ATP4A: variants seen among roughly 807,000 people sequenced by gnomAD.
The protein encoded by ATP4A is potassium-transporting ATPase alpha chain 1.
ATP4A carries 73 observed loss-of-function variants against 112.1 expected under a neutral mutation model. That is an observed-to-expected ratio of 0.65 (90% CI 0.54 to 0.79). The LOEUF (loss-of-function observed/expected upper bound fraction) is 0.79, where lower values mean the gene tolerates loss of function less well. Ranked by LOEUF, ATP4A falls within the 30% of genes least tolerant of loss-of-function variation. The pLI is 0.00. For synonymous variants in ATP4A, 588 were observed against 588.9 expected (o/e 1.00, Z 0.02); for missense variants, 1,081 against 1,425.9 (o/e 0.76, Z 3.90).
At position 35,555,141 on chromosome 19, in the gene ATP4A, G is replaced by A. The variant is rs770891533; in HGVS notation, c.2326+25C>T. ...TCTCCCTCCTGTGCCCACACTGCCTGCCCTCCCCCTGGCGTGGCTCGGACC... is the reference window on the plus strand; with the variant it reads ...TCTCCCTCCTGTGCCCACACTGCCTACCCTCCCCCTGGCGTGGCTCGGACC... On this transcript the variant is annotated intron_variant, in intron 15 of 21. Coordinates refer to ENST00000262623, the MANE Select transcript of ATP4A (RefSeq NM_000704.3). This position sits in a 1 kb window ranked among gnomAD's most constrained non-coding sequence, Gnocchi z 6.6. 6.2e-7 allele frequency: 1 copy of A among 1,614,052 alleles called. No homozygotes were observed. The highest frequency in any genetic ancestry group is 1.1e-5 in the South Asian group (1 of 91,070).
At position 35,559,157 on chromosome 19, in the gene ATP4A, C is replaced by A; in HGVS notation, c.1091G>T (p.Ser364Ile). The A allele has an allele frequency of 6.2e-7, 1 of 1,614,176 alleles. No homozygotes were observed. The highest frequency in any genetic ancestry group is 8.5e-7 in the Non-Finnish European group (1 of 1,180,030). ...CLSLTAKRLASKNCVVKNLEA... is the reference protein window; with the variant it reads ...CLSLTAKRLAIKNCVVKNLEA... Reference sequence around the variant, plus strand: ...CAGGTTCTTGACCACGCAGTTCTTACTGGCCAGGCGCTTGGCTGTCAGGGA... The same window carrying A: ...CAGGTTCTTGACCACGCAGTTCTTAATGGCCAGGCGCTTGGCTGTCAGGGA... The change falls in exon 8 of 22, where the codon AGT becomes ATT. Residue 364 changes from serine to isoleucine, a missense_variant. Transcript: ENST00000262623. This position sits in a 1 kb window ranked among gnomAD's most constrained non-coding sequence, Gnocchi z 4.1.
In ATP4A at chr19:35,558,163, G is replaced by C. The variant is rs536161873; in HGVS notation, c.1500+199C>G. 493 of 732,800 alleles carry C rather than the reference G, an allele frequency of 6.7e-4. 5 individuals carry two copies. Among genetic ancestry groups the C allele is most frequent in the South Asian group, 6.0e-3 (319 of 53,028 alleles). The allele number at this position is 732,800 out of a possible 1,614,324, so 45.4% of individuals were successfully genotyped here. A position where few individuals can be genotyped will look rare whatever the true frequency, so the allele number is the denominator to read the frequency against. ...CCATGGACAGTCCCGCCGAGGAGAA[G>C]CTGTGGGCGGGGCTGGGTGGTGGGC... On this transcript the variant is annotated intron_variant, in intron 10 of 21. Transcript: ENST00000262623. This position sits in a 1 kb window ranked among gnomAD's most constrained non-coding sequence, Gnocchi z 5.1.
In ATP4A at chr19:35,557,032, C is replaced by T. The variant is rs1392141891; in HGVS notation, c.1750G>A (p.Val584Ile). 8 of 1,614,184 alleles carry T rather than the reference C, an allele frequency of 5.0e-6. No individual in the cohort carries two copies. Among genetic ancestry groups the T allele is most frequent in the Non-Finnish European group, 4.2e-6 (5 of 1,180,040 alleles). ...CTAGATGGAAAGTTCATGGCCTCTA[C>T]GTCGAAGGCATAGCCAGGCGGGTAG... ...KDYPPGYAFD[V>I]EAMNFPSSGL... The change falls in exon 12 of 22, where the codon GTA becomes ATA. Residue 584 changes from valine (V) to isoleucine (I), a missense_variant. Around this residue, in one of 3 missense-constraint regions of ATP4A, gnomAD observed 850 missense variants for 1,068.2 expected, o/e 0.80. Coordinates refer to ENST00000262623, the MANE Select transcript of ATP4A (RefSeq NM_000704.3). This position sits in a 1 kb window ranked among gnomAD's most constrained non-coding sequence, Gnocchi z 4.4.
chr19:35,560,709 A>G lies in ATP4A; in HGVS notation c.535-94T>C, dbSNP rs2071665550. On this transcript the variant is annotated intron_variant, in intron 5 of 21. Coordinates refer to ENST00000262623, the MANE Select transcript of ATP4A (RefSeq NM_000704.3). This position sits in a 1 kb window ranked among gnomAD's most constrained non-coding sequence, Gnocchi z 5.1. ...TAAAGGATGAGGAGAGCTGGGACCCATGGGGAGAGATGGAGGCCACAGATG... is the reference window on the plus strand; with the variant it reads ...TAAAGGATGAGGAGAGCTGGGACCCGTGGGGAGAGATGGAGGCCACAGATG... 3 of 1,583,266 alleles carry G rather than the reference A, an allele frequency of 1.9e-6. No individual in the cohort carries two copies. The highest frequency in any genetic ancestry group is 2.6e-6 in the Non-Finnish European group (3 of 1,155,972).
Position 35,555,963 on chromosome 19 carries a change from C to T in ATP4A, c.1870-151G>A. The T allele has an allele frequency of 1.8e-6, 2 of 1,083,234 alleles. No individual in the cohort carries two copies. The highest frequency in any genetic ancestry group is 2.5e-6 in the Non-Finnish European group (2 of 798,410). 67.1% of individuals were successfully genotyped at this position (1,083,234 alleles called of 1,614,324 possible). A position where few individuals can be genotyped will look rare whatever the true frequency, so the allele number is the denominator to read the frequency against. On this transcript the variant is annotated intron_variant, in intron 12 of 21. Coordinates refer to ENST00000262623, the MANE Select transcript of ATP4A (RefSeq NM_000704.3). This position sits in a 1 kb window ranked among gnomAD's most constrained non-coding sequence, Gnocchi z 6.6. ...TGGGATATAGCAGAGACAAAAGAGACAAAAATCCCTGTCCTTGAGGAGCTC... is the reference window on the plus strand; with the variant it reads ...TGGGATATAGCAGAGACAAAAGAGATAAAAATCCCTGTCCTTGAGGAGCTC...
intron 18 of ATP4A, among the ~76,000 whole-genome samples, chr19:35,552,707 C>T (rs887318153): frequency 6.6e-6 from 1 of 152,194 alleles, no homozygotes; most frequent in Non-Finnish European, 1.5e-5. Flanking sequence ...GTGCTCCAAA[C>T]CTTCATTAAA....
chr19:35,551,628 C>A lies in ATP4A; in HGVS notation c.2752-48G>T. ...AACAGCCTGAGTCCAGCCTGAGTCC[C>A]GGCGGAGAGCCTCTGCAGCCCACCG... is the stretch of plus-strand genomic sequence containing the variant. On this transcript the variant is annotated intron_variant, in intron 18 of 21. Transcript: ENST00000262623. The surrounding 1 kb of genome is among the most constrained non-coding windows in gnomAD (Gnocchi z 5.2). The A allele has an allele frequency of 6.3e-7, 1 of 1,585,628 alleles. No homozygotes were observed. The highest frequency in any genetic ancestry group is 1.1e-5 in the South Asian group (1 of 87,560).
rs756366842 is a variant in ATP4A, at chr19:35,559,077, T to G, written c.1171A>C (p.Thr391Pro). The stretch of plus-strand genomic sequence containing the variant: ...ACAGTCATGCGGTTCTGAGTGAGAG[T>G]CCCTGTCTTGTCCGAGCAGATCACC... ...TSVICSDKTG[T>P]LTQNRMTVSH... The change falls in exon 8 of 22, where the codon ACT becomes CCT. Residue 391 changes from threonine (T) to proline (P), a missense_variant. Thr to Pro is a conservative substitution (Grantham distance 38). Coordinates refer to ENST00000262623, the MANE Select transcript of ATP4A (RefSeq NM_000704.3). The surrounding 1 kb of genome is among the most constrained non-coding windows in gnomAD (Gnocchi z 4.1). 23 of 1,613,928 alleles carry G rather than the reference T, an allele frequency of 1.4e-5. No homozygotes were observed. The highest frequency in any genetic ancestry group is 1.9e-5 in the Non-Finnish European group (23 of 1,179,980).
chr19:35,550,395 T>C lies in ATP4A; in HGVS notation c.*220A>G. 1.6e-6 allele frequency: 1 copy of C among 614,450 alleles called. No homozygotes were observed. Among genetic ancestry groups the C allele is most frequent in the Middle Eastern group, 4.4e-4 (1 of 2,284 alleles). 38.1% of individuals were successfully genotyped at this position (614,450 alleles called of 1,614,324 possible). A position where few individuals can be genotyped will look rare whatever the true frequency, so the allele number is the denominator to read the frequency against. On this transcript the variant is annotated 3_prime_UTR_variant, in exon 22 of 22. Transcript: ENST00000262623. This position sits in a 1 kb window ranked among gnomAD's most constrained non-coding sequence, Gnocchi z 4.1. ...CTTTCCCGAGGCCAGCCCAGAGGAC[T>C]GCCCAGGCGCTGCTGCTCCAGGAGG...
Position 35,550,599 on chromosome 19 carries a change from G to A in ATP4A, c.*16C>T. 2 of 1,613,864 alleles carry A rather than the reference G, an allele frequency of 1.2e-6. No homozygotes were observed. Among genetic ancestry groups the A allele is most frequent in the Non-Finnish European group, 1.7e-6 (2 of 1,179,840 alleles). On this transcript the variant is annotated 3_prime_UTR_variant, in exon 22 of 22. Coordinates refer to ENST00000262623, the MANE Select transcript of ATP4A (RefSeq NM_000704.3). This position sits in a 1 kb window ranked among gnomAD's most constrained non-coding sequence, Gnocchi z 4.1. Reference sequence around the variant, plus strand: ...TGCTGTGGCAGTTGCAGGGATGCTTGAAGGCAGTCGTCCCTCTAATAGTAG... The same window carrying A: ...TGCTGTGGCAGTTGCAGGGATGCTTAAAGGCAGTCGTCCCTCTAATAGTAG...
At position 35,551,260 on chromosome 19, in the gene ATP4A, A is replaced by G. The variant is rs191190901; in HGVS notation, c.2886-149T>C. ...GGAGTGGCCCGGGCCTCTCAGCACC[A>G]CCCCTTTAGTGAAATGTGGAGGGGG... On this transcript the variant is annotated intron_variant, in intron 19 of 21. Transcript: ENST00000262623. This position sits in a 1 kb window ranked among gnomAD's most constrained non-coding sequence, Gnocchi z 5.2. The G allele has an allele frequency of 6.0e-5, 73 of 1,208,636 alleles. No individual in the cohort carries two copies. The highest frequency in any genetic ancestry group is 2.1e-4 in the Admixed American group (10 of 48,614). The allele number at this position is 1,208,636 out of a possible 1,614,324, so 74.9% of individuals were successfully genotyped here. A position where few individuals can be genotyped will look rare whatever the true frequency, so the allele number is the denominator to read the frequency against.
intron 17 of ATP4A, among the ~76,000 whole-genome samples, chr19:35,553,448 C>T (rs2071613155): frequency 6.6e-6 from 1 of 152,050 alleles, no homozygotes; most frequent in Non-Finnish European, 1.5e-5. Context: ...AAAGACACAT[C>T]CAGGACCCAA....
rs750941596 is a variant in ATP4A, at chr19:35,557,860, G to A, written c.1501-13C>T. On this transcript the variant is annotated splice_polypyrimidine_tract_variant and intron_variant, in intron 10 of 21. Transcript: ENST00000262623. The surrounding 1 kb of genome is among the most constrained non-coding windows in gnomAD (Gnocchi z 4.4). ...TATGGATGGACAGCTGTGGGCGGGGGGGAGAGGCGAGGCTGTGGACGGGGG... is the reference window on the plus strand; with the variant it reads ...TATGGATGGACAGCTGTGGGCGGGGAGGAGAGGCGAGGCTGTGGACGGGGG... 4.1e-6 allele frequency: 6 copies of A among 1,471,016 alleles called. No homozygotes were observed. In the South Asian group the frequency reaches 5.5e-5, roughly 14 times the overall value. 91.1% of individuals were successfully genotyped at this position (1,471,016 alleles called of 1,614,324 possible).
rs1599572952 is a variant in ATP4A, at chr19:35,557,782, G to T, written c.1566C>A (p.Pro522=). 2 of 1,582,354 alleles carry T rather than the reference G, an allele frequency of 1.3e-6. No individual in the cohort carries two copies. Among genetic ancestry groups the T allele is most frequent in the East Asian group, 4.6e-5 (2 of 43,390 alleles). The change falls in exon 11 of 22, where the codon CCC becomes CCA. Residue 522 remains proline, a synonymous_variant. Transcript: ENST00000262623. The surrounding 1 kb of genome is among the most constrained non-coding windows in gnomAD (Gnocchi z 4.4). ...PRHLLVMKGA[P]ERVLERCSSI... Reference sequence around the variant, plus strand: ...AGCTGCAGCGCTCCAGCACGCGCTCGGGGGCGCCCTTCATCACCAGCAAGT... The same window carrying T: ...AGCTGCAGCGCTCCAGCACGCGCTCTGGGGCGCCCTTCATCACCAGCAAGT...
At position 35,558,569 on chromosome 19, in the gene ATP4A, G is replaced by C; in HGVS notation, c.1365+8C>G. Reference sequence around the variant, plus strand: ...CCCGGGATTCCCTGGAGGCCCCCTGGCTCTCACCTTGGGCACAGGCACTGC... The same window carrying C: ...CCCGGGATTCCCTGGAGGCCCCCTGCCTCTCACCTTGGGCACAGGCACTGC... On this transcript the variant is annotated splice_region_variant and intron_variant, in intron 9 of 21. Coordinates refer to ENST00000262623, the MANE Select transcript of ATP4A (RefSeq NM_000704.3). The surrounding 1 kb of genome is among the most constrained non-coding windows in gnomAD (Gnocchi z 5.1). 6.3e-7 allele frequency: 1 copy of C among 1,599,300 alleles called. No individual in the cohort carries two copies. The highest frequency in any genetic ancestry group is 8.5e-7 in the Non-Finnish European group (1 of 1,173,882).
intron 18 of ATP4A, among the ~76,000 whole-genome samples, chr19:35,552,418 G>A (rs1375369751): frequency 6.6e-6 from 1 of 152,240 alleles, no homozygotes; most frequent in Non-Finnish European, 1.5e-5. Context: ...CATGTTCCCA[G>A]GAGATGGTGA....
chr19:35,556,850 C>T, intron 12 of ATP4A, 63 bp downstream of exon 12: 1 of 1,563,602 alleles, frequency 6.4e-7, no homozygotes, highest in South Asian at 1.2e-5. Flanking sequence ...TGGGGTTCTT[C>T]AACCCAAATC....
Position 35,560,357 on chromosome 19 carries a change from A to T in ATP4A, c.787+6T>A, listed in dbSNP as rs1445464199. On this transcript the variant is annotated splice_donor_region_variant and intron_variant, in intron 6 of 21. Transcript: ENST00000262623. The surrounding 1 kb of genome is among the most constrained non-coding windows in gnomAD (Gnocchi z 5.1). Reference sequence around the variant, plus strand: ...TACTGGGCAGGCAGGCGGGGGCTTCACAGACCCTCAAGGCACATGGTGGAG... The same window carrying T: ...TACTGGGCAGGCAGGCGGGGGCTTCTCAGACCCTCAAGGCACATGGTGGAG... 6.2e-7 allele frequency: 1 copy of T among 1,612,798 alleles called. No individual in the cohort carries two copies. Among genetic ancestry groups the T allele is most frequent in the Non-Finnish European group, 8.5e-7 (1 of 1,179,320 alleles).
chr19:35,560,919 A>G lies in ATP4A; in HGVS notation c.434T>C (p.Ile145Thr). The stretch of plus-strand genomic sequence containing the variant: ...GACGACAACCACAGCAATGAGAGCG[A>G]TTGCCAGGTACAGCTGGGGACAGGG... The part of the protein sequence containing the change: ...LTTDDNLYLA[I>T]ALIAVVVVTG... Residue 145 changes from isoleucine (I) to threonine (T), a missense_variant, in exon 5 of 22, where the codon ATC becomes ACC. Around this residue, in one of 3 missense-constraint regions of ATP4A, gnomAD observed 850 missense variants for 1,068.2 expected, o/e 0.80. Coordinates refer to ENST00000262623, the MANE Select transcript of ATP4A (RefSeq NM_000704.3). This position sits in a 1 kb window ranked among gnomAD's most constrained non-coding sequence, Gnocchi z 5.1. 6.2e-7 allele frequency: 1 copy of G among 1,613,760 alleles called. No individual in the cohort carries two copies. Among genetic ancestry groups the G allele is most frequent in the Non-Finnish European group, 8.5e-7 (1 of 1,179,886 alleles).
Sources: gnomAD v4.1 joint callset for allele counts (sites outside exome capture counted in the v4.1 genomes callset) on GRCh38, gnomAD v4.1.1 for gene constraint, gnomAD v4.1.1 regional missense constraint, Gnocchi (gnomAD v3.1) non-coding constraint, MANE v1.5 for transcripts, NCBI Gene and HGNC (gene_info 2026-07-23, HGNC 2026-07-21) for gene names.